ZMYND11: variants seen among roughly 807,000 people sequenced by gnomAD.
The protein encoded by ZMYND11 is zinc finger MYND-type containing 11, also known as zinc finger MYND domain-containing protein 11.
A neutral mutation model predicts 84.9 loss-of-function variants in ZMYND11; 9 were observed. The ratio of observed to expected loss-of-function variants is 0.11; its 90% CI spans 0.06 to 0.18. ZMYND11 has a LOEUF of 0.18. ZMYND11 is among the 10% of genes least tolerant of loss of function. The pLI is 1.00. For missense variants in ZMYND11, 409 were observed against 761.0 expected (o/e 0.54, Z 5.44); for synonymous variants, 250 against 244.1 (o/e 1.02, Z -0.23).
rs765154796 is a variant in ZMYND11, at chr10:246,970, G to A, written c.1155G>A (p.Glu385=). 5.0e-6 allele frequency: 8 copies of A among 1,603,474 alleles called. No homozygotes were observed. The South Asian group carries it at 7.9e-5, about 16-fold the overall frequency. The stretch of plus-strand genomic sequence containing the variant: ...CCAGTATCTCCTCCACCAGTAATGA[G>A]CAGGTGAGTGTGTCTCCGGAAGGAA... ...AESSISSTSN[E]QLKVTQEPRA... is the part of the protein sequence containing the mutation. Residue 385 remains glutamate, a synonymous_variant, in exon 11 of 15, where the codon GAG becomes GAA. Coordinates refer to ENST00000381604, the MANE Select transcript of ZMYND11 (RefSeq NM_001370100.5).
At position 157,686 on chromosome 10, in the gene ZMYND11, A is replaced by G. The variant is rs1000714479; in HGVS notation, c.-20+22127A>G. Among the ~76,000 whole-genome samples, 9 of 152,186 alleles carry G rather than the reference A, an allele frequency of 5.9e-5. No homozygotes were observed. The East Asian group carries it at 1.3e-3, about 23-fold the overall frequency. ...CATAATTTTAATAGACGCTATAAAA[A>G]TAGTCCTCTGCTGACTCCTTGCTTG... On this transcript the variant is annotated intron_variant, in intron 1 of 14. Coordinates refer to ENST00000381604, the MANE Select transcript of ZMYND11 (RefSeq NM_001370100.5).
intron 14 of ZMYND11, chr10:249,322 A>G: frequency 7.6e-7 from 1 of 1,312,268 alleles, no homozygotes; most frequent in East Asian, 3.1e-5. Flanking sequence ...AGATTATAAT[A>G]CCTTAGTACA....
At chr10:194,871 C>A (rs1941363107) in intron 2 of ZMYND11, among the ~76,000 whole-genome samples, 1 of 152,222 alleles carries the variant, frequency 6.6e-6, no homozygotes, top group Non-Finnish European at 1.5e-5. Flanking sequence ...GAGGAACAAT[C>A]AACATTTATA....
At chr10:180,200 T>G (rs1428637454) in intron 2 of ZMYND11, 72 bp downstream of exon 2, 9 of 1,178,212 alleles carry the variant, frequency 7.6e-6, no homozygotes, top group Non-Finnish European at 1.1e-5. Context: ...CAAAAAAAAT[T>G]TTATCTGTTA....
At chr10:230,896 C>T (rs1948916354) in intron 4 of ZMYND11, among the ~76,000 whole-genome samples, 1 of 152,166 alleles carries the variant, frequency 6.6e-6, no homozygotes, top group Non-Finnish European at 1.5e-5. Context: ...ATGCTATGCA[C>T]CGCTGAAATT....
At chr10:197,873 A>G in intron 2 of ZMYND11, 1 of 562,036 alleles carries the variant, frequency 1.8e-6, no homozygotes, top group Non-Finnish European at 3.2e-6. Context: ...ACTACAAAGG[A>G]AAGTGACTAT....
intron 1 of ZMYND11, among the ~76,000 whole-genome samples, chr10:151,115 G>GA (rs1163248580): frequency 6.6e-6 from 1 of 152,080 alleles, no homozygotes; most frequent in Non-Finnish European, 1.5e-5. Flanking sequence ...CAAAGATGGG[G>GA]AAAAAACAGA....
At chr10:223,393 T>C (rs1947491781) in intron 4 of ZMYND11, among the ~76,000 whole-genome samples, 1 of 152,186 alleles carries the variant, frequency 6.6e-6, no homozygotes, top group Non-Finnish European at 1.5e-5. Flanking sequence ...TTTTACACTG[T>C]ATTGGCTCAC....
At chr10:229,348 C>T (rs901681629) in intron 4 of ZMYND11, among the ~76,000 whole-genome samples, 2 of 152,096 alleles carry the variant, frequency 1.3e-5, no homozygotes, top group Admixed American at 6.5e-5. Context: ...TAGTAGTTTG[C>T]ATTATCTTGA....
chr10:239,630 T>C, intron 7 of ZMYND11, 105 bp downstream of exon 7: 1 of 832,820 alleles, frequency 1.2e-6, no homozygotes, highest in Non-Finnish European at 1.9e-6. Context: ...ATTAATACCT[T>C]AATGATCTAC....
rs1358290350 is a variant in ZMYND11, at chr10:149,317, T to TATTATTA, written c.-20+13759_-20+13765dup. ...TTATTATTATTATTATTATTATTAT[T>TATTATTA]ATTATTATTTTTCAGACCAGTCTCG... is the stretch of plus-strand genomic sequence containing the variant. On this transcript the variant is annotated intron_variant, in intron 1 of 14. Transcript: ENST00000381604. 4.0e-5 allele frequency among the ~76,000 whole-genome samples: 6 copies of TATTATTA among 148,480 alleles called. No individual in the cohort carries two copies. In the East Asian group the frequency reaches 7.9e-4, roughly 20 times the overall value.
upstream of ZMYND11, chr10:135,057 CG>C (rs1410869025): frequency 6.7e-6 from 1 of 149,044 alleles, no homozygotes; most frequent in Non-Finnish European, 1.5e-5. This position sits in a 1 kb window ranked among gnomAD's most constrained non-coding sequence, Gnocchi z 5.6. Flanking sequence ...GCCGAGGGGC[CG>C]GTGGGGCCGA....
rs140010459 is a variant in ZMYND11, at chr10:240,951, A to G, written c.812A>G (p.Asn271Ser). The G allele has an allele frequency of 3.1e-6, 5 of 1,613,816 alleles. No individual in the cohort carries two copies. The highest frequency in any genetic ancestry group is 1.1e-5 in the South Asian group (1 of 91,044). The change falls in exon 9 of 15, where the codon AAC becomes AGC. Residue 271 changes from asparagine to serine, a missense_variant. Transcript: ENST00000381604. ...CFYLSNARPDNWFCYPCIPNH... is the reference protein window; with the variant it reads ...CFYLSNARPDSWFCYPCIPNH... ...TACTTGTCAAATGCTCGTCCTGACA[A>G]CTGGTTCTGTTATCCTTGTGTATGT... is the stretch of plus-strand genomic sequence containing the variant.
At chr10:135,271 C>G (rs1226564498), upstream of ZMYND11, 1 of 151,276 alleles carries the variant, frequency 6.6e-6, no homozygotes, top group East Asian at 1.9e-4. This position sits in a 1 kb window ranked among gnomAD's most constrained non-coding sequence, Gnocchi z 5.6. Context: ...CCTAGCCTCC[C>G]TCGCTCAGGC....
At chr10:223,974 A>G (rs953569849) in intron 4 of ZMYND11, among the ~76,000 whole-genome samples, 23 of 152,074 alleles carry the variant, frequency 1.5e-4, no homozygotes, top group African/African-American at 5.1e-4. Flanking sequence ...TTGGAAAAAT[A>G]TGGATTAATT....
intron 3 of ZMYND11, among the ~76,000 whole-genome samples, chr10:218,939 C>T (rs991851583): frequency 2.0e-5 from 3 of 152,204 alleles, no homozygotes; most frequent in Non-Finnish European, 4.4e-5. Flanking sequence ...TAACTTTGAA[C>T]TTGACTTTTG....
chr10:218,596 G>A (rs557376816), intron 3 of ZMYND11: 59 of 228,356 alleles, frequency 2.6e-4, no homozygotes, highest in Non-Finnish European at 5.3e-4. Flanking sequence ...GTTAACTCTT[G>A]CTAGATTTGT....
intron 4 of ZMYND11, among the ~76,000 whole-genome samples, chr10:232,191 T>C (rs1949117443): frequency 6.6e-6 from 1 of 152,234 alleles, no homozygotes; most frequent in African/African-American, 2.4e-5. Flanking sequence ...TAGCTTTTTC[T>C]CAAGTCATTG....
chr10:217,745 AG>A (rs747631682), intron 3 of ZMYND11, among the ~76,000 whole-genome samples: 32 of 152,190 alleles, frequency 2.1e-4, no homozygotes, highest in Admixed American at 3.3e-4. Flanking sequence ...TGTGATTCAT[AG>A]AAAAACCGTG....
Sources: allele counts gnomAD v4.1 joint callset (sites outside exome capture counted in the v4.1 genomes callset), GRCh38; gene constraint gnomAD v4.1.1; non-coding constraint Gnocchi (gnomAD v3.1); transcripts MANE v1.5; gene names NCBI Gene and HGNC (gene_info 2026-07-23, HGNC 2026-07-21).